Variants in PDE5A observed in about 807,000 individuals in gnomAD.
The protein encoded by PDE5A is phosphodiesterase 5A, also known as cGMP-specific 3',5'-cyclic phosphodiesterase.
PDE5A carries 67 observed loss-of-function variants against 110.2 expected under a neutral mutation model. The ratio of observed to expected loss-of-function variants is 0.61; its 90% CI spans 0.50 to 0.75. The LOEUF is 0.75. Among genes scored for constraint, PDE5A ranks in the 30% least tolerant of loss-of-function variants. The probability of loss-of-function intolerance (pLI) is 0.00; values close to 1 mark genes in which losing one functional copy is unlikely to be tolerated. For synonymous variants in PDE5A, 328 were observed against 351.2 expected, an observed-to-expected ratio of 0.93 and a Z score of 0.74; for missense variants, 862 against 1,045.1, an observed-to-expected ratio of 0.82 and a Z score of 2.42.
chr4:119,520,510 G>A (rs1375122038), intron 13 of PDE5A, among the ~76,000 whole-genome samples: 3 of 152,080 alleles, frequency 2.0e-5, no homozygotes, highest in African/African-American at 4.8e-5. Flanking sequence ...GAGAAAATGC[G>A]ATACAGACCC....
intron 12 of PDE5A, among the ~76,000 whole-genome samples, chr4:119,523,921 A>G (rs750700944): frequency 2.6e-5 from 4 of 152,222 alleles, no homozygotes; most frequent in Non-Finnish European, 5.9e-5. Context: ...TGAGATTCAC[A>G]TAGAACTTCT....
intron 3 of PDE5A, among the ~76,000 whole-genome samples, chr4:119,568,911 A>G (rs1219116899): frequency 6.6e-6 from 1 of 152,216 alleles, no homozygotes; most frequent in Non-Finnish European, 1.5e-5. Flanking sequence ...TGCTCACTCA[A>G]AAATATAAGA....
At chr4:119,575,784 A>G (rs1489138009) in intron 3 of PDE5A, among the ~76,000 whole-genome samples, 4 of 152,224 alleles carry the variant, frequency 2.6e-5, no homozygotes, top group African/African-American at 9.6e-5. Flanking sequence ...TCAACTAACG[A>G]GTAAAATAAC....
chr4:119,510,983 A>G, intron 15 of PDE5A, 64 bp downstream of exon 15: 1 of 1,028,390 alleles, frequency 9.7e-7, no homozygotes, highest in Non-Finnish European at 1.5e-6. Flanking sequence ...TCCAAGAACT[A>G]AAAATAAAAC....
rs532640469 is a variant in PDE5A at position 119,592,230 on chromosome 4, C to A, written c.831+4293G>T. Among the ~76,000 whole-genome samples, 8 of 142,058 alleles carry A rather than the reference C, an allele frequency of 5.6e-5. No individual in the cohort carries two copies. The East Asian group carries it at 1.7e-3, about 30-fold the overall frequency. 93.2% of individuals were successfully genotyped at this position (142,058 alleles called of 152,430 possible). A position where few individuals can be genotyped will look rare whatever the true frequency, so the allele number is the denominator to read the frequency against. On this transcript the variant is annotated intron_variant, in intron 3 of 20. Coordinates refer to ENST00000354960, the MANE Select transcript of PDE5A (RefSeq NM_001083.4). ...CAGCATTTTGGGAGGCTGAGGTGGG[C>A]GGATCACAAGGTCAGGAGATCGTAG...
In PDE5A at chr4:119,628,647, C is replaced by T. The variant is rs374654706; in HGVS notation, c.25G>A (p.Gly9Arg). The change falls in exon 1 of 21, where the codon GGG becomes AGG. Residue 9 changes from glycine to arginine, a missense_variant. Physicochemically the swap from Gly to Arg is moderately radical, Grantham distance 125. Coordinates refer to ENST00000354960, the MANE Select transcript of PDE5A (RefSeq NM_001083.4). Reference sequence around the variant, plus strand: ...GGCTGCTGCTGCTGTCGCTGCTGCCCGAAGCTGGGGCCGGCCCGCTCCATG... The same window carrying T: ...GGCTGCTGCTGCTGTCGCTGCTGCCTGAAGCTGGGGCCGGCCCGCTCCATG... The part of the protein sequence containing the change: MERAGPSF[G>R]QQRQQQQPQQ... 3.7e-6 allele frequency: 6 copies of T among 1,613,506 alleles called. No individual in the cohort carries two copies. Among genetic ancestry groups the T allele is most frequent in the Non-Finnish European group, 5.1e-6 (6 of 1,179,990 alleles).
intron 17 of PDE5A, 67 bp downstream of exon 17, chr4:119,505,788 A>AG: frequency 2.3e-6 from 2 of 884,628 alleles, no homozygotes; most frequent in Non-Finnish European, 3.5e-6. Context: ...ACTAACAGTG[A>AG]GGAAAAAATA....
chr4:119,608,013 A>G (rs1376512194), intron 1 of PDE5A, among the ~76,000 whole-genome samples: 5 of 152,232 alleles, frequency 3.3e-5, no homozygotes, highest in African/African-American at 4.8e-5. Flanking sequence ...ACTAAAACAA[A>G]TATTTGTCTA....
At chr4:119,625,983 A>T (rs151317481) in intron 1 of PDE5A, among the ~76,000 whole-genome samples, 2 of 152,320 alleles carry the variant, frequency 1.3e-5, no homozygotes, top group African/African-American at 2.4e-5. Flanking sequence ...GCACTTTATT[A>T]TAACTCTTAA....
At position 119,505,835 on chromosome 4, in the gene PDE5A, A is replaced by AAGAT. The variant is rs756400987; in HGVS notation, c.2267+16_2267+19dup. On this transcript the variant is annotated intron_variant, in intron 17 of 20. Transcript: ENST00000354960. ...AACTGGGTAAAAAACTTCAGCTTTA[A>AAGAT]AGATAGTAAACCTACTTACAAAAAC... 1 of 1,418,400 alleles carries AAGAT rather than the reference A, an allele frequency of 7.1e-7. No individual in the cohort carries two copies. The highest frequency in any genetic ancestry group is 2.1e-5 in the Admixed American group (1 of 46,828). The allele number at this position is 1,418,400 out of a possible 1,614,324, so 87.9% of individuals were successfully genotyped here. A position where few individuals can be genotyped will look rare whatever the true frequency, so the allele number is the denominator to read the frequency against.
intron 20 of PDE5A, 68 bp downstream of exon 20, chr4:119,501,102 T>G: frequency 3.3e-6 from 3 of 907,788 alleles, no homozygotes; most frequent in Non-Finnish European, 5.4e-6. Context: ...AATATTAATC[T>G]CTTCAATTTT....
intron 11 of PDE5A, among the ~76,000 whole-genome samples, chr4:119,537,862 T>C (rs1236172727): frequency 6.6e-6 from 1 of 152,076 alleles, no homozygotes; most frequent in Non-Finnish European, 1.5e-5. Flanking sequence ...ATATAGACTA[T>C]TCAAAAATTA....
chr4:119,614,719 A>G (rs908019065), intron 1 of PDE5A, among the ~76,000 whole-genome samples: 1 of 152,208 alleles, frequency 6.6e-6, no homozygotes, highest in African/African-American at 2.4e-5. Context: ...GGGACAAAAC[A>G]AACTGCAAAC....
intron 7 of PDE5A, among the ~76,000 whole-genome samples, chr4:119,556,134 G>T (rs1330800386): frequency 6.6e-6 from 1 of 152,130 alleles, no homozygotes; most frequent in Non-Finnish European, 1.5e-5. Flanking sequence ...ACTGCCAGTT[G>T]TCCTTCAATA....
chr4:119,595,322 T>TA (rs1329590441), intron 3 of PDE5A, among the ~76,000 whole-genome samples: 2 of 152,178 alleles, frequency 1.3e-5, no homozygotes, highest in African/African-American at 4.8e-5. Context: ...CTTTAACAAA[T>TA]ACTAATACCT....
At chr4:119,526,192 T>C (rs1726311844) in intron 11 of PDE5A, among the ~76,000 whole-genome samples, 2 of 152,102 alleles carry the variant, frequency 1.3e-5, no homozygotes, top group Admixed American at 1.3e-4. Flanking sequence ...TACAGGAACT[T>C]AAGCACAAAG....
chr4:119,569,396 ATTAGGG>A (rs1240081970), intron 3 of PDE5A, among the ~76,000 whole-genome samples: 26 of 152,234 alleles, frequency 1.7e-4, no homozygotes, highest in African/African-American at 5.5e-4. Context: ...AATGTATTGT[ATTAGGG>A]GTAATAGACA....
Position 119,596,565 on chromosome 4 carries a change from T to A in PDE5A, c.789A>T (p.Thr263=), listed in dbSNP as rs1305829967. 1.2e-6 allele frequency: 2 copies of A among 1,602,770 alleles called. No individual in the cohort carries two copies. The highest frequency in any genetic ancestry group is 1.3e-5 in the African/African-American group (1 of 74,724). Residue 263 remains threonine, a synonymous_variant, in exon 3 of 21, where the codon ACA becomes ACT. Coordinates refer to ENST00000354960, the MANE Select transcript of PDE5A (RefSeq NM_001083.4). Reference sequence around the variant, plus strand: ...TAATTGGCATACAAAGAATGCTTTGTGTCTTGTAGCCTGTAATTTGGTCAA... The same window carrying A: ...TAATTGGCATACAAAGAATGCTTTGAGTCTTGTAGCCTGTAATTTGGTCAA... ...AEVDQITGYK[T]QSILCMPIKN...
At chr4:119,535,678 GAGA>G (rs1339188181) in intron 11 of PDE5A, among the ~76,000 whole-genome samples, 1 of 152,042 alleles carries the variant, frequency 6.6e-6, no homozygotes, top group African/African-American at 2.4e-5. Context: ...TTTAAGCCAA[GAGA>G]AGGTTAGATT....
Sources: allele counts gnomAD v4.1 joint callset (sites outside exome capture counted in the v4.1 genomes callset), GRCh38; gene constraint gnomAD v4.1.1; transcripts MANE v1.5; gene names NCBI Gene and HGNC (gene_info 2026-07-23, HGNC 2026-07-21).